CELF2: variants seen among roughly 807,000 people sequenced by gnomAD.
The protein encoded by CELF2 is CUG triplet repeat RNA-binding protein 2.
CELF2 carries 8 observed loss-of-function variants against 62.6 expected under a neutral mutation model. The observed-to-expected ratio is 0.13, with a 90% CI of 0.07 to 0.23. CELF2 has a LOEUF of 0.23. Among genes scored for constraint, CELF2 ranks in the 10% least tolerant of loss-of-function variants. The probability of loss-of-function intolerance (pLI) is 1.00; values close to 1 mark genes in which losing one functional copy is unlikely to be tolerated. For missense variants in CELF2, 333 were observed against 671.0 expected (o/e 0.50, Z 5.56); for synonymous variants, 258 against 250.0 (o/e 1.03, Z -0.30).
chr10:11,009,014 G>GC (rs1446619726), intron 1 of CELF2, among the ~76,000 whole-genome samples: 1 of 142,120 alleles, frequency 7.0e-6, no homozygotes, highest in Non-Finnish European at 1.6e-5. Flanking sequence ...GCGGGGGGGG[G>GC]GGGGGAGCAT....
At chr10:10,597,631 C>A in the CELF2 span, among the ~76,000 whole-genome samples, 1 of 152,130 alleles carries the variant, frequency 6.6e-6, no homozygotes, top group African/African-American at 2.4e-5. Context: ...GATACATAGT[C>A]CTGTAAAAAA....
intron 1 of CELF2, among the ~76,000 whole-genome samples, chr10:11,077,345 A>C (rs980822818): frequency 6.6e-6 from 1 of 152,196 alleles, no homozygotes; most frequent in African/African-American, 2.4e-5. Context: ...AGTACAGGGA[A>C]AGTAAGGAAA....
the CELF2 span, among the ~76,000 whole-genome samples, chr10:10,490,112 G>A: frequency 6.6e-6 from 1 of 152,066 alleles, no homozygotes; most frequent in Non-Finnish European, 1.5e-5. Flanking sequence ...CTCCTATCAT[G>A]TCATAAACTA....
At chr10:11,126,699 A>G (rs763180448) in intron 1 of CELF2, among the ~76,000 whole-genome samples, 1 of 152,240 alleles carries the variant, frequency 6.6e-6, no homozygotes. Flanking sequence ...ATCTGTGAAT[A>G]CAGAGTAAGT....
chr10:10,483,519 T>C, the CELF2 span, among the ~76,000 whole-genome samples: 2 of 152,182 alleles, frequency 1.3e-5, no homozygotes, highest in African/African-American at 4.8e-5. Context: ...CCAATTATTA[T>C]CTCCAAGATC....
chr10:10,601,092 A>G, the CELF2 span, among the ~76,000 whole-genome samples: 6 of 152,218 alleles, frequency 3.9e-5, no homozygotes, highest in Non-Finnish European at 8.8e-5. Context: ...GCTTTTCCAT[A>G]GTTAAAGAGA....
At chr10:10,786,208 T>C in the CELF2 span, among the ~76,000 whole-genome samples, 3 of 152,196 alleles carry the variant, frequency 2.0e-5, no homozygotes, top group African/African-American at 7.2e-5. Context: ...AGGGCTACTT[T>C]GGCTATGTTT....
the CELF2 span, among the ~76,000 whole-genome samples, chr10:10,752,963 A>T: frequency 6.6e-6 from 1 of 152,210 alleles, no homozygotes; most frequent in Non-Finnish European, 1.5e-5. Context: ...CATTGTTCCC[A>T]AACATCACAT....
At position 11,145,375 on chromosome 10, in the gene CELF2, G is replaced by T. The variant is rs2062075691; in HGVS notation, c.75-20111G>T. On this transcript the variant is annotated intron_variant, in intron 1 of 12. Transcript: ENST00000633077. The surrounding 1 kb of genome is among the most constrained non-coding windows in gnomAD (Gnocchi z 4.3). The stretch of plus-strand genomic sequence containing the variant: ...CAGGATTCAGGAGCGTCTCTGAAAG[G>T]TGCTTTGTGCTGACCAAGCAAATAA... Among the ~76,000 whole-genome samples the T allele has an allele frequency of 6.6e-6, 1 of 152,226 alleles. No homozygotes were observed. Among genetic ancestry groups the T allele is most frequent in the African/African-American group, 2.4e-5 (1 of 41,444 alleles).
chr10:11,123,403 A>G (rs114768749), intron 1 of CELF2, among the ~76,000 whole-genome samples: 10,643 of 152,136 alleles, frequency 0.07, 447 homozygotes, highest in African/African-American at 0.11. Context: ...GGCACACGCC[A>G]CCATCCCTGG....
At chr10:10,573,066 G>T in the CELF2 span, among the ~76,000 whole-genome samples, 13 of 151,798 alleles carry the variant, frequency 8.6e-5, no homozygotes, top group East Asian at 2.3e-3. Flanking sequence ...GACTGGTGTA[G>T]CTCATTGTGG....
At chr10:11,264,532 T>G (rs1257672992) in intron 5 of CELF2, among the ~76,000 whole-genome samples, 2 of 152,376 alleles carry the variant, frequency 1.3e-5, no homozygotes, top group African/African-American at 4.8e-5. Flanking sequence ...TTTTCCTCCC[T>G]TGTAGTTTCA....
the CELF2 span, among the ~76,000 whole-genome samples, chr10:10,662,220 C>T: frequency 6.6e-6 from 1 of 152,214 alleles, no homozygotes; most frequent in East Asian, 1.9e-4. Flanking sequence ...TCACAATTTA[C>T]CTGCATATGT....
intron 8 of CELF2, among the ~76,000 whole-genome samples, chr10:11,284,757 TTGGGTAGATATG>T (rs1165783930): frequency 1.4e-5 from 2 of 144,268 alleles, no homozygotes; most frequent in African/African-American, 5.2e-5. Context: ...GGATAGATAG[TTGGGTAGATATG>T]TGGGTGGATG....
chr10:10,887,326 CT>C (rs1427934931), intron 1 of CELF2, among the ~76,000 whole-genome samples: 2 of 152,204 alleles, frequency 1.3e-5, no homozygotes, highest in Non-Finnish European at 2.9e-5. Flanking sequence ...TAATAGGACT[CT>C]TTCACCATTG....
intron 2 of CELF2, among the ~76,000 whole-genome samples, chr10:11,196,143 A>G (rs2057413070): frequency 6.6e-6 from 1 of 152,184 alleles, no homozygotes; most frequent in African/African-American, 2.4e-5. Flanking sequence ...ATTATCATAT[A>G]AATCCCTGAA....
the CELF2 span, among the ~76,000 whole-genome samples, chr10:10,543,373 A>G: frequency 6.6e-6 from 1 of 152,228 alleles, no homozygotes; most frequent in Non-Finnish European, 1.5e-5. Flanking sequence ...CTACCTGGTC[A>G]ACCTGCTTGA....
intron 1 of CELF2, among the ~76,000 whole-genome samples, chr10:11,081,779 G>A (rs1459882825): frequency 6.6e-6 from 1 of 152,154 alleles, no homozygotes; most frequent in African/African-American, 2.4e-5. Flanking sequence ...GGTTTCTAGT[G>A]TGTATCAGCT....
At chr10:10,985,411 G>A (rs1304359358) in intron 2 of CELF2, among the ~76,000 whole-genome samples, 1 of 151,804 alleles carries the variant, frequency 6.6e-6, no homozygotes, top group East Asian at 1.9e-4. Context: ...AATCAGCATG[G>A]CAATGCATTA....
Sources: gnomAD v4.1 joint callset for allele counts (sites outside exome capture counted in the v4.1 genomes callset) on GRCh38, gnomAD v4.1.1 for gene constraint, Gnocchi (gnomAD v3.1) non-coding constraint, MANE v1.5 for transcripts, NCBI Gene and HGNC (gene_info 2026-07-23, HGNC 2026-07-21) for gene names.